Variants in NRG3 observed in about 807,000 individuals in gnomAD.
NRG3 encodes the protein pro-neuregulin-3, membrane-bound isoform.
Under a neutral mutation model 66.9 loss-of-function variants are expected in NRG3, and 31 were observed. That is an observed-to-expected ratio of 0.46 (90% CI 0.35 to 0.63). The LOEUF (loss-of-function observed/expected upper bound fraction) is 0.63, where lower values mean the gene tolerates loss of function less well. Among genes scored for constraint, NRG3 ranks in the 20% least tolerant of loss-of-function variants. The pLI is 0.00. For missense variants in NRG3, 910 were observed against 878.9 expected (o/e 1.04, Z -0.45); for synonymous variants, 393 against 359.4 (o/e 1.09, Z -1.06).
intron 3 of NRG3, among the ~76,000 whole-genome samples, chr10:82,756,446 T>C (rs937045922): frequency 2.0e-5 from 3 of 152,120 alleles, no homozygotes; most frequent in African/African-American, 7.2e-5. Context: ...AATTAAACTT[T>C]CCAGTCAGAT....
chr10:82,683,481 G>T (rs1164041466), intron 2 of NRG3, among the ~76,000 whole-genome samples: 7 of 152,090 alleles, frequency 4.6e-5, no homozygotes, highest in African/African-American at 1.2e-4. Context: ...CAATAAAAAT[G>T]CTGTTACCAT....
At chr10:82,651,000 A>G (rs2051367262) in intron 2 of NRG3, among the ~76,000 whole-genome samples, 1 of 152,204 alleles carries the variant, frequency 6.6e-6, no homozygotes, top group African/African-American at 2.4e-5. Context: ...CTTTAGCTCA[A>G]GTTTGCATAC....
chr10:82,652,870 A>G (rs1401954911), intron 2 of NRG3, among the ~76,000 whole-genome samples: 1 of 152,142 alleles, frequency 6.6e-6, no homozygotes, highest in African/African-American at 2.4e-5. Context: ...GAGATAATAA[A>G]TGTGTTGTTT....
chr10:82,802,006 AG>A lies in NRG3; in HGVS notation c.1027+63357del, dbSNP rs201178935. Among the ~76,000 whole-genome samples the A allele has an allele frequency of 4.5e-3, 686 of 152,338 alleles. 5 individuals are homozygous for A. The highest frequency in any genetic ancestry group is 0.016 in the African/African-American group (647 of 41,570). On this transcript the variant is annotated intron_variant, in intron 3 of 8. Coordinates refer to ENST00000372141, the MANE Select transcript of NRG3 (RefSeq NM_001010848.4). ...AGAGGAAAGCATCTCTTACCAAAAA[AG>A]TAGGAAAATTCCACCATTAGTTACC... is the stretch of plus-strand genomic sequence containing the variant.
At chr10:82,469,545 G>A (rs1202192363) in intron 2 of NRG3, among the ~76,000 whole-genome samples, 1 of 152,180 alleles carries the variant, frequency 6.6e-6, no homozygotes, top group African/African-American at 2.4e-5. Context: ...AACTGACAAA[G>A]ACGTACAGTT....
In NRG3 at chr10:81,982,295, A is replaced by G. The variant is rs113565275; in HGVS notation, c.823+106132A>G. Among the ~76,000 whole-genome samples the G allele has an allele frequency of 5.0e-3, 762 of 152,286 alleles. 4 individuals are homozygous for G. The highest frequency in any genetic ancestry group is 0.017 in the African/African-American group (711 of 41,548). ...TGTCTTTCCTCTAGTGTCAAAAAAT[A>G]TATTTCTAATTTTCACCTGAGGCCA... On this transcript the variant is annotated intron_variant, in intron 1 of 8. Transcript: ENST00000372141.
chr10:82,007,249 G>A (rs574534458), intron 1 of NRG3, among the ~76,000 whole-genome samples: 16 of 132,740 alleles, frequency 1.2e-4, no homozygotes, highest in Middle Eastern at 5.2e-3. Flanking sequence ...TTGCACTGTC[G>A]CCCAGGTTGG....
intron 3 of NRG3, among the ~76,000 whole-genome samples, chr10:82,742,570 G>A (rs578010337): frequency 1.3e-5 from 2 of 152,218 alleles, no homozygotes; most frequent in South Asian, 4.1e-4. Context: ...CAGATCATGA[G>A]GCTGAATAGC....
chr10:82,684,781 A>G (rs2054379863), intron 2 of NRG3, among the ~76,000 whole-genome samples: 1 of 152,188 alleles, frequency 6.6e-6, no homozygotes. Context: ...TGTGTCTTGC[A>G]AAACAGAAAA....
At chr10:82,326,294 C>CT (rs2081868855) in intron 1 of NRG3, among the ~76,000 whole-genome samples, 1 of 152,042 alleles carries the variant, frequency 6.6e-6, no homozygotes, top group Non-Finnish European at 1.5e-5. Context: ...TATAATGCAG[C>CT]TTTTTCTGTT....
intron 1 of NRG3, among the ~76,000 whole-genome samples, chr10:82,152,829 T>A (rs890228414): frequency 6.7e-6 from 1 of 149,816 alleles, no homozygotes; most frequent in South Asian, 2.2e-4. Context: ...TTTTTCTTTC[T>A]CTTTCTCTTT....
chr10:82,887,754 C>A (rs1170060614), intron 4 of NRG3, among the ~76,000 whole-genome samples: 1 of 152,186 alleles, frequency 6.6e-6, no homozygotes, highest in Non-Finnish European at 1.5e-5. Flanking sequence ...GTAAATATTG[C>A]CACCACTTCA....
chr10:82,290,759 G>A (rs1037228294), intron 1 of NRG3, among the ~76,000 whole-genome samples: 15 of 150,790 alleles, frequency 9.9e-5, no homozygotes, highest in African/African-American at 3.7e-4. Flanking sequence ...TCAGCCTCCC[G>A]AGTAGCTGGG....
chr10:82,818,177 C>T (rs552110290), intron 3 of NRG3, among the ~76,000 whole-genome samples: 45 of 152,230 alleles, frequency 3.0e-4, no homozygotes, highest in African/African-American at 1.1e-3. Flanking sequence ...CTGGGTGTTG[C>T]CATGTGAAGG....
At chr10:82,234,505 T>C (rs1481156710) in intron 1 of NRG3, among the ~76,000 whole-genome samples, 2 of 152,190 alleles carry the variant, frequency 1.3e-5, no homozygotes, top group Non-Finnish European at 2.9e-5. Flanking sequence ...TTTCTCACCA[T>C]CAGATCTCCA....
chr10:82,418,399 T>C (rs374697769), intron 2 of NRG3, among the ~76,000 whole-genome samples: 52 of 145,872 alleles, frequency 3.6e-4, no homozygotes, highest in African/African-American at 1.2e-3. Context: ...TATGCAAATG[T>C]TTATGCAAAT....
intron 1 of NRG3, among the ~76,000 whole-genome samples, chr10:81,919,428 G>A (rs1308328945): frequency 6.6e-6 from 1 of 152,106 alleles, no homozygotes; most frequent in African/African-American, 2.4e-5. Context: ...GTTGTGTCAG[G>A]ATTGGTAGCA....
chr10:82,205,107 G>A (rs1676264442), intron 1 of NRG3, among the ~76,000 whole-genome samples: 1 of 152,182 alleles, frequency 6.6e-6, no homozygotes, highest in Admixed American at 6.5e-5. Context: ...CAAAAGGAAG[G>A]ATGATATTAA....
At chr10:81,893,276 C>A (rs1337980278) in intron 1 of NRG3, among the ~76,000 whole-genome samples, 1 of 151,996 alleles carries the variant, frequency 6.6e-6, no homozygotes, top group Non-Finnish European at 1.5e-5. Context: ...CTTCATGTTA[C>A]AATATTTTTC....
Sources: gnomAD v4.1 joint callset for allele counts (sites outside exome capture counted in the v4.1 genomes callset) on GRCh38, gnomAD v4.1.1 for gene constraint, MANE v1.5 for transcripts, NCBI Gene and HGNC (gene_info 2026-07-23, HGNC 2026-07-21) for gene names.